Variants in SEL1L3 observed in about 807,000 individuals in gnomAD.
SEL1L3 encodes the protein protein sel-1 homolog 3.
Under a neutral mutation model 142.8 loss-of-function variants are expected in SEL1L3, and 76 were observed. The observed-to-expected ratio is 0.53, with a 90% CI of 0.44 to 0.64. The LOEUF is 0.64. SEL1L3 is among the 30% of genes least tolerant of loss of function. The pLI is 0.00. For synonymous variants in SEL1L3, 504 were observed against 519.6 expected (o/e 0.97, Z 0.41); for missense variants, 1,262 against 1,381.7 (o/e 0.91, Z 1.37).
rs543859584 is a variant in SEL1L3 at position 25,758,802 on chromosome 4, C to T, written c.3083+139G>A. On this transcript the variant is annotated intron_variant, in intron 21 of 23. Coordinates refer to ENST00000399878, the MANE Select transcript of SEL1L3 (RefSeq NM_015187.5). Reference sequence around the variant, plus strand: ...GTGCTGGGATTACAAGTATGAGCCACGGTGCCCTGCTTTTTGTTTTTGTTT... The same window carrying T: ...GTGCTGGGATTACAAGTATGAGCCATGGTGCCCTGCTTTTTGTTTTTGTTT... The T allele has an allele frequency of 1.3e-4, 115 of 891,646 alleles. No individual in the cohort carries two copies. The South Asian group carries it at 2.1e-3, about 16-fold the overall frequency. 55.2% of individuals were successfully genotyped at this position (891,646 alleles called of 1,614,324 possible).
Position 25,747,860 on chromosome 4 carries a change from A to G in SEL1L3, c.*565T>C, listed in dbSNP as rs1362750192. On this transcript the variant is annotated 3_prime_UTR_variant, in exon 24 of 24. Coordinates refer to ENST00000399878, the MANE Select transcript of SEL1L3 (RefSeq NM_015187.5). ...AATTCAAGGAGAAAAATGTAAACCA[A>G]TTTACAAAGCTATTGCCCTCCCTGC... 6.5e-6 allele frequency: 1 copy of G among 152,734 alleles called. No homozygotes were observed. Among genetic ancestry groups the G allele is most frequent in the Non-Finnish European group, 1.5e-5 (1 of 68,128 alleles). The allele number at this position is 152,734 out of a possible 1,614,324, so 9.5% of individuals were successfully genotyped here.
intron 21 of SEL1L3, 49 bp from the exon 22 acceptor site, chr4:25,757,839 C>T (rs1275962629): frequency 7.3e-7 from 1 of 1,372,500 alleles, no homozygotes; most frequent in African/African-American, 1.4e-5. Context: ...ACTTTGGTGG[C>T]ACGACTCAGG....
intron 9 of SEL1L3, among the ~76,000 whole-genome samples, chr4:25,807,152 C>A (rs74589889): frequency 6.6e-6 from 1 of 152,186 alleles, no homozygotes. Context: ...GAAGCTCATT[C>A]TTTCTAATGC....
the SEL1L3 span, among the ~76,000 whole-genome samples, chr4:25,731,239 A>G: frequency 1.3e-5 from 2 of 152,194 alleles, no homozygotes; most frequent in African/African-American, 4.8e-5. Context: ...TATCTCTTTA[A>G]GTGAGTAAGA....
rs1379438798 is a variant in SEL1L3 at position 25,802,444 on chromosome 4, C to A, written c.1795G>T (p.Val599Phe). ...DQLQGMLYSL[V>F]GGQGSERLSS... ...AGCCTCTCACTCCCCTGGCCTCCAACCAAACTATACAACATGCCCTGTTAG... is the reference window on the plus strand; with the variant it reads ...AGCCTCTCACTCCCCTGGCCTCCAAACAAACTATACAACATGCCCTGTTAG... Residue 599 changes from valine to phenylalanine, a missense_variant, in exon 11 of 24, where the codon GTT becomes TTT. Val to Phe is a conservative substitution (Grantham distance 50). Coordinates refer to ENST00000399878, the MANE Select transcript of SEL1L3 (RefSeq NM_015187.5). 2.5e-6 allele frequency: 4 copies of A among 1,613,270 alleles called. No individual in the cohort carries two copies. Among genetic ancestry groups the A allele is most frequent in the African/African-American group, 2.7e-5 (2 of 74,864 alleles).
intron 1 of SEL1L3, among the ~76,000 whole-genome samples, chr4:25,855,527 G>A (rs1038619893): frequency 2.6e-5 from 4 of 152,134 alleles, no homozygotes; most frequent in Admixed American, 2.0e-4. Context: ...AGGCCGAGGC[G>A]GGTGGATCAC....
At chr4:25,754,250 T>C (rs1717800224) in intron 23 of SEL1L3, among the ~76,000 whole-genome samples, 1 of 151,192 alleles carries the variant, frequency 6.6e-6, no homozygotes, top group Admixed American at 6.6e-5. Context: ...TGTGGCGAGC[T>C]GAGATTGCAC....
In SEL1L3 at chr4:25,833,429, G is replaced by A. The variant is rs775567700; in HGVS notation, c.982+19C>T. 3 of 1,600,658 alleles carry A rather than the reference G, an allele frequency of 1.9e-6. No individual in the cohort carries two copies. The highest frequency in any genetic ancestry group is 1.1e-5 in the South Asian group (1 of 88,872). Reference sequence around the variant, plus strand: ...TACAAAATTACAATATCATTTTAAAGGTTCTGTTTTATACTCACCCTCTTC... The same window carrying A: ...TACAAAATTACAATATCATTTTAAAAGTTCTGTTTTATACTCACCCTCTTC... On this transcript the variant is annotated intron_variant, in intron 4 of 23. Transcript: ENST00000399878.
intron 11 of SEL1L3, among the ~76,000 whole-genome samples, chr4:25,795,714 G>C (rs937791787): frequency 6.6e-6 from 1 of 152,158 alleles, no homozygotes; most frequent in African/African-American, 2.4e-5. Flanking sequence ...ACCCAGGTGG[G>C]GGTTGCCTTC....
chr4:25,836,005 C>G (rs945308428), intron 2 of SEL1L3, among the ~76,000 whole-genome samples: 13 of 152,170 alleles, frequency 8.5e-5, no homozygotes, highest in Admixed American at 3.3e-4. Flanking sequence ...AGCTGGGATT[C>G]AAACTCAGGC....
the SEL1L3 span, among the ~76,000 whole-genome samples, chr4:25,729,648 A>G: frequency 2.6e-5 from 4 of 152,170 alleles, no homozygotes; most frequent in Non-Finnish European, 2.9e-5. Context: ...TGGAAGGTGG[A>G]GTCTGCAGTG....
chr4:25,745,355 A>G (rs1043382169), downstream of SEL1L3, among the ~76,000 whole-genome samples: 2 of 151,840 alleles, frequency 1.3e-5, no homozygotes, highest in Non-Finnish European at 2.9e-5. Flanking sequence ...AGATCATGCC[A>G]CTGTCCTCCA....
In SEL1L3 at chr4:25,829,949, CA is replaced by C. The variant is rs1180995721; in HGVS notation, c.1157+148del. On this transcript the variant is annotated intron_variant, in intron 6 of 23. Transcript: ENST00000399878. ...TGTGCATGGTAGGAAAAAAAAAGTA[CA>C]AAGACTAGCTACAGGGCAGAGAATA... 143 of 590,450 alleles carry C rather than the reference CA, an allele frequency of 2.4e-4. 4 individuals carry two copies. The East Asian group carries it at 4.2e-3, about 17-fold the overall frequency. The allele number at this position is 590,450 out of a possible 1,614,324, so 36.6% of individuals were successfully genotyped here. A position where few individuals can be genotyped will look rare whatever the true frequency, so the allele number is the denominator to read the frequency against.
chr4:25,849,258 C>T (rs1459725785), intron 1 of SEL1L3, among the ~76,000 whole-genome samples: 5 of 152,146 alleles, frequency 3.3e-5, no homozygotes, highest in Non-Finnish European at 7.4e-5. Flanking sequence ...GCATTACTCA[C>T]GCTAGCCAAA....
At chr4:25,810,552 C>T (rs780314332) in intron 9 of SEL1L3, among the ~76,000 whole-genome samples, 6 of 152,320 alleles carry the variant, frequency 3.9e-5, no homozygotes, top group South Asian at 2.1e-4. Flanking sequence ...AAAACACCAC[C>T]GTACTAGCAT....
intron 20 of SEL1L3, among the ~76,000 whole-genome samples, chr4:25,761,135 G>A (rs1038448716): frequency 2.0e-5 from 3 of 152,042 alleles, no homozygotes; most frequent in Non-Finnish European, 4.4e-5. Flanking sequence ...TGAAAGGAAG[G>A]CACTCTTAAA....
At chr4:25,834,996 G>C (rs182421055) in intron 3 of SEL1L3, among the ~76,000 whole-genome samples, 1 of 152,180 alleles carries the variant, frequency 6.6e-6, no homozygotes, top group African/African-American at 2.4e-5. Flanking sequence ...ATTGAGGATT[G>C]TTAAATGCCA....
intron 19 of SEL1L3, 108 bp from the exon 20 acceptor site, chr4:25,765,543 A>T: frequency 1.4e-6 from 1 of 696,814 alleles, no homozygotes; most frequent in Non-Finnish European, 2.5e-6. Context: ...TTAGTATCTG[A>T]ATACAGAACA....
chr4:25,858,816 C>T (rs2109327977), intron 1 of SEL1L3, among the ~76,000 whole-genome samples: 1 of 152,230 alleles, frequency 6.6e-6, no homozygotes, highest in African/African-American at 2.4e-5. Context: ...GATCTCCTGA[C>T]CTCGTGATCC....
Sources: gnomAD v4.1 joint callset for allele counts (sites outside exome capture counted in the v4.1 genomes callset) on GRCh38, gnomAD v4.1.1 for gene constraint, MANE v1.5 for transcripts, NCBI Gene and HGNC (gene_info 2026-07-23, HGNC 2026-07-21) for gene names.